The following DPF3 variants were observed in gnomAD, a reference collection of about 807,000 sequenced individuals.
DPF3 encodes the protein zinc finger protein DPF3.
Under a neutral mutation model 56.8 loss-of-function variants are expected in DPF3, and 18 were observed. The ratio of observed to expected loss-of-function variants is 0.32; its 90% CI spans 0.22 to 0.47. The LOEUF is 0.47. Ranked by LOEUF, DPF3 falls within the 20% of genes least tolerant of loss-of-function variation. The probability of loss-of-function intolerance (pLI) is 1.00; values close to 1 mark genes in which losing one functional copy is unlikely to be tolerated. For missense variants in DPF3, 403 were observed against 488.8 expected, an observed-to-expected ratio of 0.82 and a Z score of 1.65; for synonymous variants, 188 against 180.2, an observed-to-expected ratio of 1.04 and a Z score of -0.35.
chr14:72,674,165 C>T, intron 8 of DPF3, 75 bp downstream of exon 8: 2 of 1,528,622 alleles, frequency 1.3e-6, no homozygotes, highest in Admixed American at 4.1e-5. Context: ...TCTCCAGCAC[C>T]ACAAGATGGA....
At chr14:72,761,951 T>G (rs1599418725) in intron 2 of DPF3, among the ~76,000 whole-genome samples, 1 of 151,874 alleles carries the variant, frequency 6.6e-6, no homozygotes, top group Admixed American at 6.5e-5. Context: ...ATTAGGAGAA[T>G]GTAGATAAAA....
At chr14:72,762,328 A>G (rs1255353389) in intron 2 of DPF3, among the ~76,000 whole-genome samples, 1 of 151,934 alleles carries the variant, frequency 6.6e-6, no homozygotes, top group Non-Finnish European at 1.5e-5. Context: ...CATTAAAAAG[A>G]TAAAATAGCA....
At chr14:72,669,323 C>G (rs1426651411) in intron 8 of DPF3, among the ~76,000 whole-genome samples, 2 of 152,336 alleles carry the variant, frequency 1.3e-5, no homozygotes, top group East Asian at 3.9e-4. Context: ...CTACTTGGGT[C>G]TCCCAACCCA....
At chr14:72,708,788 C>T (rs181044409) in intron 6 of DPF3, among the ~76,000 whole-genome samples, 209 of 152,296 alleles carry the variant, frequency 1.4e-3, no homozygotes, top group Non-Finnish European at 2.4e-3. Context: ...CACAGTTTCC[C>T]GTGGTATTCC....
At chr14:72,683,885 T>C (rs1887282936) in intron 7 of DPF3, among the ~76,000 whole-genome samples, 2 of 152,250 alleles carry the variant, frequency 1.3e-5, no homozygotes, top group Middle Eastern at 3.4e-3. Flanking sequence ...TTCAGTGCTG[T>C]AGCTGGGCAA....
rs1307916841 is a variant in DPF3 at position 72,609,877 on chromosome 14, C to T, written c.*9420G>A. The stretch of plus-strand genomic sequence containing the variant: ...AAGCTGTGTCAGACTCAGTCCTGGT[C>T]TGAAGTACCAAAGCAGCCCAAGGCA... On this transcript the variant is annotated 3_prime_UTR_variant, in exon 11 of 11. Transcript: ENST00000556509. 1.3e-5 allele frequency among the ~76,000 whole-genome samples: 2 copies of T among 152,214 alleles called. No homozygotes were observed. The highest frequency in any genetic ancestry group is 4.8e-5 in the African/African-American group (2 of 41,460).
chr14:72,671,098 G>A (rs776544018), intron 8 of DPF3: 2 of 1,609,058 alleles, frequency 1.2e-6, no homozygotes, highest in African/African-American at 1.3e-5. Context: ...AAAGTCAGAG[G>A]GGGATGGCTA....
chr14:72,759,287 AAAT>A (rs1263200109), intron 2 of DPF3, among the ~76,000 whole-genome samples: 1 of 152,248 alleles, frequency 6.6e-6, no homozygotes, highest in African/African-American at 2.4e-5. Flanking sequence ...AAAGAAAAAA[AAAT>A]AATGGCATAA....
At chr14:72,629,597 C>T (rs1170315669) in intron 9 of DPF3, 27 bp downstream of exon 9, 4 of 1,522,858 alleles carry the variant, frequency 2.6e-6, no homozygotes, top group South Asian at 1.2e-5. Context: ...GGATTTCTCC[C>T]TCCCACAGGG....
chr14:72,689,978 C>T (rs958567794), intron 7 of DPF3, among the ~76,000 whole-genome samples: 1 of 152,040 alleles, frequency 6.6e-6, no homozygotes, highest in African/African-American at 2.4e-5. Context: ...GCCCCGGATC[C>T]GCCTGGGAAT....
intron 6 of DPF3, among the ~76,000 whole-genome samples, chr14:72,709,211 T>C (rs547500236): frequency 6.0e-4 from 91 of 152,310 alleles, no homozygotes; most frequent in African/African-American, 2.1e-3. Flanking sequence ...GACGCACATC[T>C]GTAGGGTGGA....
intron 1 of DPF3, among the ~76,000 whole-genome samples, chr14:72,870,022 A>G (rs1885834846): frequency 6.6e-6 from 1 of 152,122 alleles, no homozygotes; most frequent in African/African-American, 2.4e-5. Context: ...AGATTCTCTG[A>G]CTCGGCTATT....
rs1405599168 is a variant in DPF3 at position 72,623,717 on chromosome 14, A to G, written c.985-3733T>C. Reference sequence around the variant, plus strand: ...ATGCATCAGTATAAATTCATGGTGTAGTGTATCTTTAAAACAAGCAAAAAA... The same window carrying G: ...ATGCATCAGTATAAATTCATGGTGTGGTGTATCTTTAAAACAAGCAAAAAA... On this transcript the variant is annotated intron_variant, in intron 9 of 10. Transcript: ENST00000556509. Among the ~76,000 whole-genome samples, 2 of 152,196 alleles carry G rather than the reference A, an allele frequency of 1.3e-5. 1 individual carries two copies. Among genetic ancestry groups the G allele is most frequent in the South Asian group, 4.1e-4 (2 of 4,834 alleles).
At chr14:72,800,377 A>AATGGATAGATGG (rs1326428990) in intron 1 of DPF3, among the ~76,000 whole-genome samples, 1,710 of 18,080 alleles carry the variant, frequency 0.095, 41 homozygotes, top group African/African-American at 0.1. Context: ...TAAATAGATA[A>AATGGATAGATGG]ATGGATGGAT....
rs1377437326 is a variant in DPF3 at position 72,869,915 on chromosome 14, AG to A, written c.32+24141del. On this transcript the variant is annotated intron_variant, in intron 1 of 10. Coordinates refer to ENST00000556509, the MANE Select transcript of DPF3 (RefSeq NM_001280542.3). The stretch of plus-strand genomic sequence containing the variant: ...AGAGATGATGGGGGGTAGGGTGAGC[AG>A]GAAGATTCAGAGCAGTCAGTTCAGA... Among the ~76,000 whole-genome samples, 22 of 152,224 alleles carry A rather than the reference AG, an allele frequency of 1.4e-4. No homozygotes were observed. The East Asian group carries it at 3.9e-3, about 27-fold the overall frequency.
chr14:72,652,470 C>T lies in DPF3; in HGVS notation c.871+21770G>A, dbSNP rs548403078. ...CCAGAAGGATGGTGCTGGGGGGAGG[C>T]GGGGTAAGCTGCAGAGAGTTTCCTG... On this transcript the variant is annotated intron_variant, in intron 8 of 10. Coordinates refer to ENST00000556509, the MANE Select transcript of DPF3 (RefSeq NM_001280542.3). Among the ~76,000 whole-genome samples the T allele has an allele frequency of 8.5e-5, 13 of 152,162 alleles. No individual in the cohort carries two copies. In the South Asian group the frequency reaches 1.9e-3, roughly 22 times the overall value.
chr14:72,802,283 G>A (rs2041217869), intron 1 of DPF3, among the ~76,000 whole-genome samples: 1 of 152,166 alleles, frequency 6.6e-6, no homozygotes, highest in East Asian at 1.9e-4. Context: ...TACACAACCT[G>A]GAGTCAGGAG....
intron 7 of DPF3, among the ~76,000 whole-genome samples, chr14:72,678,144 C>T (rs1333333004): frequency 2.0e-5 from 3 of 152,152 alleles, no homozygotes. Flanking sequence ...AAAGCGCTGG[C>T]TCCAAGCCTC....
At chr14:72,768,702 A>G (rs1891388648) in intron 2 of DPF3, among the ~76,000 whole-genome samples, 2 of 152,230 alleles carry the variant, frequency 1.3e-5, no homozygotes, top group Admixed American at 6.5e-5. Context: ...AAACCCTGAT[A>G]AGTGAAAGCA....
Sources: allele counts gnomAD v4.1 joint callset (sites outside exome capture counted in the v4.1 genomes callset), GRCh38; gene constraint gnomAD v4.1.1; transcripts MANE v1.5; gene names NCBI Gene and HGNC (gene_info 2026-07-23, HGNC 2026-07-21).